Variants in KCNH7 observed in about 807,000 individuals in gnomAD.
KCNH7 encodes voltage-gated inwardly rectifying potassium channel KCNH7.
Under a neutral mutation model 120.8 loss-of-function variants are expected in KCNH7, and 49 were observed. The ratio of observed to expected loss-of-function variants is 0.41; its 90% CI spans 0.32 to 0.51. The LOEUF (loss-of-function observed/expected upper bound fraction) is 0.51, where lower values mean the gene tolerates loss of function less well. KCNH7 is among the 20% of genes least tolerant of loss of function. The pLI, the probability that KCNH7 is intolerant of heterozygous loss-of-function variation, is 0.38. For missense variants in KCNH7, 1,097 were observed against 1,446.6 expected (o/e 0.76, Z 3.92); for synonymous variants, 547 against 516.1 (o/e 1.06, Z -0.81).
chr2:162,609,677 T>C (rs1016538020), intron 2 of KCNH7, among the ~76,000 whole-genome samples: 11 of 152,110 alleles, frequency 7.2e-5, no homozygotes, highest in Non-Finnish European at 1.3e-4. Context: ...TTCTTACTGG[T>C]TTTTCCTCCT....
intron 2 of KCNH7, among the ~76,000 whole-genome samples, chr2:162,727,732 A>G (rs1328679349): frequency 6.6e-6 from 1 of 152,130 alleles, no homozygotes; most frequent in East Asian, 1.9e-4. Flanking sequence ...TTTCTTGTTG[A>G]TGAACACTTG....
intron 2 of KCNH7, among the ~76,000 whole-genome samples, chr2:162,636,857 G>A (rs1683979121): frequency 6.6e-6 from 1 of 152,072 alleles, no homozygotes; most frequent in Admixed American, 6.6e-5. Flanking sequence ...ATTTTACTGA[G>A]TAATAGATCT....
At chr2:162,822,013 G>A (rs1369363402) in intron 2 of KCNH7, among the ~76,000 whole-genome samples, 1 of 151,064 alleles carries the variant, frequency 6.6e-6, no homozygotes, top group Non-Finnish European at 1.5e-5. Context: ...TTTCAATATA[G>A]CCACACCTAA....
rs528044203 is a variant in KCNH7, at chr2:162,498,676, C to T, written c.1128+5767G>A. Among the ~76,000 whole-genome samples, 56 of 152,158 alleles carry T rather than the reference C, an allele frequency of 3.7e-4. No individual in the cohort carries two copies. In the South Asian group the frequency reaches 9.3e-3, roughly 25 times the overall value. ...TACTTTTTCCTCCACAAGATGATCA[C>T]ATGGCCCAAGATGGTCAATAAGAGT... On this transcript the variant is annotated intron_variant, in intron 6 of 15. Coordinates refer to ENST00000332142, the MANE Select transcript of KCNH7 (RefSeq NM_033272.4).
At chr2:162,757,407 T>A (rs1688823534) in intron 2 of KCNH7, among the ~76,000 whole-genome samples, 1 of 152,156 alleles carries the variant, frequency 6.6e-6, no homozygotes, top group Non-Finnish European at 1.5e-5. Context: ...TTTTCCCTTT[T>A]CAAAATTGCA....
intron 9 of KCNH7, among the ~76,000 whole-genome samples, chr2:162,412,153 A>G (rs911081455): frequency 6.6e-6 from 1 of 152,058 alleles, no homozygotes; most frequent in Non-Finnish European, 1.5e-5. Context: ...TAGAAGATAA[A>G]TAGTTTTATT....
At chr2:162,777,615 C>T (rs1003866359) in intron 2 of KCNH7, among the ~76,000 whole-genome samples, 1 of 152,128 alleles carries the variant, frequency 6.6e-6, no homozygotes, top group Non-Finnish European at 1.5e-5. Flanking sequence ...CATATACTCA[C>T]TGTATTACAG....
chr2:162,427,667 G>A (rs947494124), intron 8 of KCNH7, among the ~76,000 whole-genome samples: 2 of 151,602 alleles, frequency 1.3e-5, no homozygotes, highest in African/African-American at 4.8e-5. Context: ...TTTCTTAATG[G>A]TGTGTTTTGA....
chr2:162,660,058 T>G (rs1422738444), intron 2 of KCNH7, among the ~76,000 whole-genome samples: 2 of 152,156 alleles, frequency 1.3e-5, no homozygotes, highest in East Asian at 3.8e-4. Flanking sequence ...ATTGTATTGC[T>G]CACTTTAAAA....
At chr2:162,826,917 A>C (rs1485424579) in intron 2 of KCNH7, among the ~76,000 whole-genome samples, 1 of 152,156 alleles carries the variant, frequency 6.6e-6, no homozygotes. Context: ...TAGAGACCTT[A>C]GAAATGAGCT....
chr2:162,757,697 C>T (rs1207961531), intron 2 of KCNH7, among the ~76,000 whole-genome samples: 2 of 152,068 alleles, frequency 1.3e-5, no homozygotes, highest in African/African-American at 4.8e-5. Context: ...AAAATTTACC[C>T]CTCTATCCTG....
intron 6 of KCNH7, among the ~76,000 whole-genome samples, chr2:162,455,293 TC>T (rs1387236261): frequency 6.6e-6 from 1 of 152,164 alleles, no homozygotes; most frequent in Non-Finnish European, 1.5e-5. Flanking sequence ...GCCGACTTGA[TC>T]ATGGTGGATA....
chr2:162,519,668 T>C (rs1394510654), intron 3 of KCNH7, among the ~76,000 whole-genome samples: 9 of 151,806 alleles, frequency 5.9e-5, no homozygotes, highest in Non-Finnish European at 1.5e-5. Context: ...TCTCTAAGTA[T>C]GATTTACAAG....
intron 2 of KCNH7, among the ~76,000 whole-genome samples, chr2:162,596,176 A>G (rs748263200): frequency 2.6e-5 from 4 of 152,070 alleles, no homozygotes; most frequent in Non-Finnish European, 4.4e-5. Flanking sequence ...CAAAACTCCA[A>G]TGACAGACTT....
rs192916737 is a variant in KCNH7 at position 162,526,430 on chromosome 2, G to A, written c.464-8272C>T. On this transcript the variant is annotated intron_variant, in intron 3 of 15. Transcript: ENST00000332142. ...TCCTCGTCCTAATAAGCCTGGGAGC[G>A]CTACGGGAGACTGGGGCTTATTTCA... Among the ~76,000 whole-genome samples the A allele has an allele frequency of 4.0e-5, 6 of 150,648 alleles. No homozygotes were observed. In the East Asian group the frequency reaches 8.0e-4, roughly 20 times the overall value.
chr2:162,442,248 G>A (rs1447747267), intron 7 of KCNH7, among the ~76,000 whole-genome samples: 4 of 151,262 alleles, frequency 2.6e-5, no homozygotes, highest in Non-Finnish European at 5.9e-5. Context: ...GGATGGTCTC[G>A]ATCTCCTGAC....
intron 2 of KCNH7, among the ~76,000 whole-genome samples, chr2:162,550,717 G>A (rs1031454200): frequency 1.3e-5 from 2 of 151,992 alleles, no homozygotes; most frequent in African/African-American, 2.4e-5. Flanking sequence ...GTTTCAAAAT[G>A]TTTGAATCCT....
At chr2:162,603,182 T>A (rs1205804913) in intron 2 of KCNH7, among the ~76,000 whole-genome samples, 1 of 152,096 alleles carries the variant, frequency 6.6e-6, no homozygotes, top group East Asian at 1.9e-4. Flanking sequence ...AAAATATAAA[T>A]AAAGTGAACT....
At chr2:162,632,257 G>T (rs1288605461) in intron 2 of KCNH7, among the ~76,000 whole-genome samples, 2 of 151,880 alleles carry the variant, frequency 1.3e-5, no homozygotes, top group Admixed American at 1.3e-4. Context: ...AGTATCATTG[G>T]TAATAGCAAC....
Sources: allele counts gnomAD v4.1 joint callset (sites outside exome capture counted in the v4.1 genomes callset), GRCh38; gene constraint gnomAD v4.1.1; transcripts MANE v1.5; gene names NCBI Gene and HGNC (gene_info 2026-07-23, HGNC 2026-07-21).